Variants in GALNT13 observed in about 807,000 individuals in gnomAD.
The protein encoded by GALNT13 is UDP-GalNAc:polypeptide N-acetylgalactosaminyltransferase 13.
Under a neutral mutation model 64.2 loss-of-function variants are expected in GALNT13, and 28 were observed. That is an observed-to-expected ratio of 0.44 (90% CI 0.32 to 0.60). The LOEUF (loss-of-function observed/expected upper bound fraction) is 0.60, where lower values mean the gene tolerates loss of function less well. GALNT13 is among the 20% of genes least tolerant of loss of function. The pLI, the probability that GALNT13 is intolerant of heterozygous loss-of-function variation, is 0.05. For missense variants in GALNT13, 577 were observed against 669.8 expected (o/e 0.86, Z 1.53); for synonymous variants, 214 against 224.6 (o/e 0.95, Z 0.42).
chr2:153,638,425 C>G, the GALNT13 span, among the ~76,000 whole-genome samples: 16 of 26,838 alleles, frequency 6.0e-4, no homozygotes, highest in South Asian at 3.8e-3. Context: ...TGCCTGGACA[C>G]CCGGGATAGT....
At chr2:153,081,984 A>T in the GALNT13 span, among the ~76,000 whole-genome samples, 1 of 152,184 alleles carries the variant, frequency 6.6e-6, no homozygotes, top group East Asian at 1.9e-4. Context: ...TTACATTCCC[A>T]CCAACAGTGT....
At chr2:153,192,806 A>G in the GALNT13 span, among the ~76,000 whole-genome samples, 1 of 151,922 alleles carries the variant, frequency 6.6e-6, no homozygotes, top group Non-Finnish European at 1.5e-5. Flanking sequence ...TAATGTAAGT[A>G]TAGCTACTTC....
intron 3 of GALNT13, among the ~76,000 whole-genome samples, chr2:154,079,534 C>A (rs897314562): frequency 6.6e-6 from 1 of 151,696 alleles, no homozygotes; most frequent in Admixed American, 6.6e-5. Context: ...CACACAGGCA[C>A]CTTGGAGGTC....
At chr2:153,384,711 G>C in the GALNT13 span, among the ~76,000 whole-genome samples, 9 of 152,116 alleles carry the variant, frequency 5.9e-5, no homozygotes, top group African/African-American at 2.2e-4. Flanking sequence ...GTCTAGTTAA[G>C]TGACAGGCTG....
chr2:154,209,331 A>T (rs1687642794), intron 4 of GALNT13, among the ~76,000 whole-genome samples: 1 of 152,180 alleles, frequency 6.6e-6, no homozygotes, highest in Non-Finnish European at 1.5e-5. Flanking sequence ...AATGAAAGCT[A>T]AGGATTTTTT....
chr2:153,704,306 TCTTA>T, the GALNT13 span, among the ~76,000 whole-genome samples: 1 of 152,166 alleles, frequency 6.6e-6, no homozygotes, highest in Admixed American at 6.5e-5. Flanking sequence ...GGGCTTTCTT[TCTTA>T]CTTTAAAAAA....
chr2:153,632,825 G>A, the GALNT13 span, among the ~76,000 whole-genome samples: 43 of 152,002 alleles, frequency 2.8e-4, 1 homozygote, highest in East Asian at 1.9e-4. Context: ...CAATCTCAGC[G>A]CAATGCAACC....
At chr2:153,730,297 C>T in the GALNT13 span, among the ~76,000 whole-genome samples, 2,264 of 151,948 alleles carry the variant, frequency 0.015, 56 homozygotes, top group African/African-American at 0.052. Flanking sequence ...ACATCTACAA[C>T]CAACTGATTT....
intron 4 of GALNT13, among the ~76,000 whole-genome samples, chr2:154,153,610 T>C (rs1471356478): frequency 1.3e-5 from 2 of 152,212 alleles, no homozygotes. Context: ...GGCTGCTTTG[T>C]TTACCTAAGC....
At chr2:153,371,816 C>A in the GALNT13 span, among the ~76,000 whole-genome samples, 1 of 152,162 alleles carries the variant, frequency 6.6e-6, no homozygotes, top group Non-Finnish European at 1.5e-5. Context: ...ATTTATCTTT[C>A]CTCAAATACC....
the GALNT13 span, among the ~76,000 whole-genome samples, chr2:153,087,333 C>T: frequency 6.6e-5 from 10 of 152,142 alleles, no homozygotes; most frequent in Non-Finnish European, 1.0e-4. Flanking sequence ...ATGAAACCCA[C>T]TTGATCATGG....
chr2:153,561,911 A>G, the GALNT13 span, among the ~76,000 whole-genome samples: 1 of 152,164 alleles, frequency 6.6e-6, no homozygotes, highest in East Asian at 1.9e-4. Flanking sequence ...TTCCAAATTT[A>G]GAATCAAACA....
intron 3 of GALNT13, among the ~76,000 whole-genome samples, chr2:153,971,684 A>G (rs1480420434): frequency 6.6e-6 from 1 of 152,176 alleles, no homozygotes; most frequent in Non-Finnish European, 1.5e-5. Context: ...TGAAAGCTTC[A>G]CAAAATTTGC....
At chr2:154,048,953 C>T (rs1321896180) in intron 3 of GALNT13, among the ~76,000 whole-genome samples, 3 of 150,958 alleles carry the variant, frequency 2.0e-5, no homozygotes, top group African/African-American at 4.9e-5. Context: ...AGACACATCA[C>T]AGTCAAGTAC....
At chr2:153,591,112 C>T in the GALNT13 span, among the ~76,000 whole-genome samples, 1 of 152,086 alleles carries the variant, frequency 6.6e-6, no homozygotes, top group African/African-American at 2.4e-5. Flanking sequence ...TCACTGAATT[C>T]AATAAAGTTG....
At chr2:153,399,437 G>A in the GALNT13 span, among the ~76,000 whole-genome samples, 1 of 152,144 alleles carries the variant, frequency 6.6e-6, no homozygotes, top group Non-Finnish European at 1.5e-5. Flanking sequence ...GAACTTTAAA[G>A]TAGTTTTTTC....
At chr2:153,135,815 G>A in the GALNT13 span, among the ~76,000 whole-genome samples, 1 of 151,962 alleles carries the variant, frequency 6.6e-6, no homozygotes, top group African/African-American at 2.4e-5. Context: ...AACTTTAAAA[G>A]TATGCATAGG....
chr2:153,557,397 A>C, the GALNT13 span, among the ~76,000 whole-genome samples: 3 of 152,188 alleles, frequency 2.0e-5, no homozygotes, highest in African/African-American at 7.2e-5. Flanking sequence ...GACTGTACAC[A>C]AACAAGAAAT....
the GALNT13 span, among the ~76,000 whole-genome samples, chr2:153,694,830 A>C: frequency 6.6e-6 from 1 of 152,322 alleles, no homozygotes; most frequent in South Asian, 2.1e-4. Flanking sequence ...ATGTCCGGAC[A>C]ATAAAGTTTT....
Sources: allele counts gnomAD v4.1 joint callset (sites outside exome capture counted in the v4.1 genomes callset), GRCh38; gene constraint gnomAD v4.1.1; transcripts MANE v1.5; gene names NCBI Gene and HGNC (gene_info 2026-07-23, HGNC 2026-07-21).